The following PLXNA4 variants were observed in gnomAD, a reference collection of about 807,000 sequenced individuals.
PLXNA4 encodes plexin A4.
A neutral mutation model predicts 191.8 loss-of-function variants in PLXNA4; 44 were observed. The ratio of observed to expected loss-of-function variants is 0.23; its 90% CI spans 0.18 to 0.29. PLXNA4 has a LOEUF of 0.29. Among genes scored for constraint, PLXNA4 ranks in the 10% least tolerant of loss-of-function variants. The probability of loss-of-function intolerance (pLI) is 1.00; values close to 1 mark genes in which losing one functional copy is unlikely to be tolerated. For synonymous variants in PLXNA4, 1,082 were observed against 1,009.5 expected, an observed-to-expected ratio of 1.07 and a Z score of -1.36; for missense variants, 1,800 against 2,488.8, an observed-to-expected ratio of 0.72 and a Z score of 5.89.
intron 24 of PLXNA4, among the ~76,000 whole-genome samples, chr7:132,161,520 G>T (rs1795948042): frequency 6.6e-6 from 1 of 152,200 alleles, no homozygotes; most frequent in Non-Finnish European, 1.5e-5. Flanking sequence ...TGGGGGCTTT[G>T]TTGAGATACA....
chr7:132,157,537 C>G lies in PLXNA4; in HGVS notation c.4660+1936G>C, dbSNP rs140541320. On this transcript the variant is annotated intron_variant, in intron 25 of 31. Transcript: ENST00000321063. ...TCACCTATTCTTAAGCACAGAAGCA[C>G]ACATCTCTTCATGCAGCTGCATGCA... Among the ~76,000 whole-genome samples the G allele has an allele frequency of 2.7e-3, 409 of 152,322 alleles. 5 individuals carry two copies. The highest frequency in any genetic ancestry group is 9.4e-3 in the African/African-American group (391 of 41,566).
chr7:132,535,631 TC>T (rs1357800177), intron 1 of PLXNA4, among the ~76,000 whole-genome samples: 1 of 151,988 alleles, frequency 6.6e-6, no homozygotes, highest in Non-Finnish European at 1.5e-5. Flanking sequence ...TCCCACCAAT[TC>T]ACTAAGAAAG....
At chr7:132,260,338 G>T (rs528799929) in intron 4 of PLXNA4, among the ~76,000 whole-genome samples, 1 of 152,288 alleles carries the variant, frequency 6.6e-6, no homozygotes, top group African/African-American at 2.4e-5. Context: ...AATAAAGAAT[G>T]AGATCATGCT....
intron 1 of PLXNA4, among the ~76,000 whole-genome samples, chr7:132,569,880 C>G (rs1200709117): frequency 6.6e-6 from 1 of 152,210 alleles, no homozygotes; most frequent in Admixed American, 6.5e-5. Context: ...CTATTGCTCA[C>G]ACAATCACCA....
rs768467507 is a variant in PLXNA4, at chr7:132,508,046, G to A, written c.648C>T (p.Tyr216=). 58 of 1,614,112 alleles carry A rather than the reference G, an allele frequency of 3.6e-5. No homozygotes were observed. Among genetic ancestry groups the A allele is most frequent in the South Asian group, 6.6e-5 (6 of 91,088 alleles). The change falls in exon 2 of 32, where the codon TAC becomes TAT. Residue 216 remains tyrosine, a synonymous_variant. Coordinates refer to ENST00000321063, the MANE Select transcript of PLXNA4 (RefSeq NM_020911.2). This position sits in a 1 kb window ranked among gnomAD's most constrained non-coding sequence, Gnocchi z 4.4. ...KNSEADGMFA[Y]VFHDEFVASM... is the part of the protein sequence containing the mutation. ...AGGCCACGAACTCATCATGGAAGAC[G>A]TACGCGAACATGCCATCCGCCTCAG...
chr7:132,256,725 C>T (rs775115415), intron 4 of PLXNA4, among the ~76,000 whole-genome samples: 10 of 152,320 alleles, frequency 6.6e-5, no homozygotes, highest in Non-Finnish European at 1.0e-4. Context: ...AGGCCCTGTA[C>T]TCCTCCACTC....
intron 1 of PLXNA4, among the ~76,000 whole-genome samples, chr7:132,536,105 G>A (rs1161868691): frequency 6.6e-6 from 1 of 152,152 alleles, no homozygotes; most frequent in Non-Finnish European, 1.5e-5. Flanking sequence ...TCGGACCCTC[G>A]TGCATAAAAT....
Position 132,192,145 on chromosome 7 carries a change from C to CA in PLXNA4, c.2856+1916dup, listed in dbSNP as rs549598219. 2.0e-4 allele frequency among the ~76,000 whole-genome samples: 30 copies of CA among 152,286 alleles called. 1 individual carries two copies. The South Asian group carries it at 3.7e-3, about 19-fold the overall frequency. Reference sequence around the variant, plus strand: ...CCCAGTCATGGTGTGGCACGACACTCACGTTTCTCTAAGGTTTGGCCCTGA... The same window carrying CA: ...CCCAGTCATGGTGTGGCACGACACTCAACGTTTCTCTAAGGTTTGGCCCTGA... On this transcript the variant is annotated intron_variant, in intron 14 of 31. Transcript: ENST00000321063.
At chr7:132,412,379 G>C (rs1794493838) in intron 3 of PLXNA4, among the ~76,000 whole-genome samples, 1 of 152,180 alleles carries the variant, frequency 6.6e-6, no homozygotes, top group African/African-American at 2.4e-5. Context: ...AAGAAGTCAG[G>C]TGCATTGCCC....
chr7:132,615,169 C>T (rs114836034), intron 2 of PLXNA4, among the ~76,000 whole-genome samples: 2,821 of 152,264 alleles, frequency 0.019, 78 homozygotes, highest in African/African-American at 0.063. Context: ...AGGGAGGAAT[C>T]TGGGAGAGCT....
chr7:132,572,199 T>C (rs1802011125), intron 1 of PLXNA4, among the ~76,000 whole-genome samples: 1 of 152,190 alleles, frequency 6.6e-6, no homozygotes, highest in South Asian at 2.1e-4. Context: ...CTTGGCTCCA[T>C]CACTAAGTGG....
chr7:132,634,315 A>G (rs1803552044), intron 2 of PLXNA4, among the ~76,000 whole-genome samples: 1 of 152,156 alleles, frequency 6.6e-6, no homozygotes, highest in South Asian at 2.1e-4. Context: ...CACTGCCACT[A>G]GTCTGCCCAT....
At chr7:132,288,749 C>T (rs1044314511) in intron 4 of PLXNA4, among the ~76,000 whole-genome samples, 2 of 152,196 alleles carry the variant, frequency 1.3e-5, no homozygotes, top group African/African-American at 4.8e-5. Flanking sequence ...TTACATGAGA[C>T]ATGCCCACAG....
At position 132,245,526 on chromosome 7, in the gene PLXNA4, C is replaced by T. The variant is rs529985805; in HGVS notation, c.1504-4360G>A. Among the ~76,000 whole-genome samples the T allele has an allele frequency of 2.6e-4, 40 of 152,324 alleles. 1 individual carries two copies. The South Asian group carries it at 7.1e-3, about 27-fold the overall frequency. ...TGCAAAAACCTATTAGGCAGTTTAG[C>T]AGTTCCTCAAAAAATTAAACAGAAT... On this transcript the variant is annotated intron_variant, in intron 4 of 31. Coordinates refer to ENST00000321063, the MANE Select transcript of PLXNA4 (RefSeq NM_020911.2).
At chr7:132,444,938 C>T (rs534223248) in intron 3 of PLXNA4, among the ~76,000 whole-genome samples, 80 of 151,372 alleles carry the variant, frequency 5.3e-4, no homozygotes, top group African/African-American at 1.6e-3. Context: ...CCGAGGCGGG[C>T]GGATCATGAG....
chr7:132,316,505 A>C (rs1563030784), intron 3 of PLXNA4, among the ~76,000 whole-genome samples: 1 of 152,180 alleles, frequency 6.6e-6, no homozygotes. Context: ...TAAAACATAG[A>C]TTTAACCCTA....
At chr7:132,579,816 A>AG (rs1802368963), upstream of PLXNA4, among the ~76,000 whole-genome samples, 1 of 152,118 alleles carries the variant, frequency 6.6e-6, no homozygotes, top group Non-Finnish European at 1.5e-5. Flanking sequence ...GGCATACCAA[A>AG]GGGGGCAGTT....
intron 3 of PLXNA4, among the ~76,000 whole-genome samples, chr7:132,476,381 G>GT (rs1195136510): frequency 5.9e-5 from 9 of 152,324 alleles, no homozygotes; most frequent in African/African-American, 2.2e-4. Flanking sequence ...TATGATGCGA[G>GT]TTTAAGACAT....
chr7:132,308,854 C>T (rs1397478795), intron 3 of PLXNA4, among the ~76,000 whole-genome samples: 1 of 152,062 alleles, frequency 6.6e-6, no homozygotes. Flanking sequence ...TGATTTTCAT[C>T]CAAGCCCACT....
Sources: gnomAD v4.1 joint callset for allele counts (sites outside exome capture counted in the v4.1 genomes callset) on GRCh38, gnomAD v4.1.1 for gene constraint, Gnocchi (gnomAD v3.1) non-coding constraint, MANE v1.5 for transcripts, NCBI Gene and HGNC (gene_info 2026-07-23, HGNC 2026-07-21) for gene names.